The following DNMBP variants were observed in gnomAD, a reference collection of about 807,000 sequenced individuals.
DNMBP encodes dynamin-binding protein.
DNMBP carries 87 observed loss-of-function variants against 150.0 expected under a neutral mutation model. The observed-to-expected ratio is 0.58, with a 90% CI of 0.49 to 0.69. The LOEUF is 0.69. DNMBP is among the 30% of genes least tolerant of loss of function. DNMBP has a pLI of 0.00. For missense variants in DNMBP, 1,774 were observed against 1,949.0 expected, an observed-to-expected ratio of 0.91 and a Z score of 1.69; for synonymous variants, 711 against 750.4, an observed-to-expected ratio of 0.95 and a Z score of 0.86.
chr10:99,890,979 T>C (rs911375975), intron 11 of DNMBP, among the ~76,000 whole-genome samples: 36 of 152,184 alleles, frequency 2.4e-4, no homozygotes, highest in African/African-American at 7.9e-4. Context: ...AGGGTGGAAG[T>C]TGGCTATTTA....
chr10:99,917,447 A>T (rs1269562869), intron 4 of DNMBP, among the ~76,000 whole-genome samples: 1 of 152,202 alleles, frequency 6.6e-6, no homozygotes, highest in Non-Finnish European at 1.5e-5. Flanking sequence ...GGTGACAGAA[A>T]CCGAGTTTTT....
At chr10:99,982,282 A>G (rs186090924) in intron 1 of DNMBP, among the ~76,000 whole-genome samples, 2 of 151,842 alleles carry the variant, frequency 1.3e-5, no homozygotes, top group Admixed American at 1.3e-4. Flanking sequence ...CTGTCTCTAT[A>G]AAAACACAAA....
chr10:99,951,526 G>A (rs2040422426), intron 4 of DNMBP, among the ~76,000 whole-genome samples: 1 of 152,354 alleles, frequency 6.6e-6, no homozygotes, highest in African/African-American at 2.4e-5. Flanking sequence ...AGCCACAGGG[G>A]CAGAGCCGCC....
At chr10:99,929,821 C>T in intron 4 of DNMBP, 1 of 702,892 alleles carries the variant, frequency 1.4e-6, no homozygotes, top group Non-Finnish European at 2.6e-6. Flanking sequence ...TGCAGACCAT[C>T]CAGAAGGATC....
intron 4 of DNMBP, among the ~76,000 whole-genome samples, chr10:99,943,336 C>A (rs1312060470): frequency 1.3e-5 from 2 of 150,476 alleles, no homozygotes; most frequent in Non-Finnish European, 3.0e-5. Flanking sequence ...CTATTTAATT[C>A]TATTATCTGT....
rs952944806 is a variant in DNMBP at position 99,898,780 on chromosome 10, A to C, written c.2703-20T>G. The C allele has an allele frequency of 1.9e-6, 3 of 1,611,252 alleles. No homozygotes were observed. Among genetic ancestry groups the C allele is most frequent in the Admixed American group, 1.7e-5 (1 of 59,910 alleles). ...AGGCTCCTGCAAGGCAGTGGGCATGAAAAGAAAAGAGACAGTTTATTAGAG... is the reference window on the plus strand; with the variant it reads ...AGGCTCCTGCAAGGCAGTGGGCATGCAAAGAAAAGAGACAGTTTATTAGAG... On this transcript the variant is annotated intron_variant, in intron 7 of 16. Transcript: ENST00000324109.
intron 15 of DNMBP, among the ~76,000 whole-genome samples, chr10:99,882,934 G>T (rs569913460): frequency 6.6e-6 from 1 of 152,076 alleles, no homozygotes; most frequent in Admixed American, 6.5e-5. Context: ...AGGTGTGGTG[G>T]TGCGTGCTAC....
chr10:99,908,383 T>C (rs2039852963), intron 5 of DNMBP, among the ~76,000 whole-genome samples: 1 of 152,118 alleles, frequency 6.6e-6, no homozygotes, highest in Admixed American at 6.6e-5. Context: ...GCAACCAACA[T>C]CCCGTAGCAC....
At chr10:99,946,110 C>T (rs1589432809) in intron 4 of DNMBP, among the ~76,000 whole-genome samples, 1 of 152,182 alleles carries the variant, frequency 6.6e-6, no homozygotes, top group Admixed American at 6.5e-5. Flanking sequence ...GTGCACACCA[C>T]TATGCCCTGC....
At position 99,897,922 on chromosome 10, in the gene DNMBP, A is replaced by C; in HGVS notation, c.2920+164T>G. On this transcript the variant is annotated intron_variant, in intron 9 of 16. Transcript: ENST00000324109. ...AGCAAGACTCTGTCTCAAAAAAAAT[A>C]ATAATAAAATATCATATTTCCCCCA... The C allele has an allele frequency of 2.0e-5, 13 of 642,032 alleles. No homozygotes were observed. The South Asian group carries it at 2.6e-4, about 13-fold the overall frequency. The allele number at this position is 642,032 out of a possible 1,614,324, so 39.8% of individuals were successfully genotyped here. A position where few individuals can be genotyped will look rare whatever the true frequency, so the allele number is the denominator to read the frequency against.
chr10:99,895,294 T>C (rs1056605336), intron 10 of DNMBP, among the ~76,000 whole-genome samples: 3 of 151,910 alleles, frequency 2.0e-5, no homozygotes, highest in African/African-American at 7.3e-5. Context: ...GCCCAGCTCA[T>C]TTTTGTATTA....
In DNMBP at chr10:99,986,594, C is replaced by CAAAAAAAAAAAAAAAAA. The variant is rs747726572; in HGVS notation, c.-10-14477_-10-14461dup. On this transcript the variant is annotated intron_variant, in intron 1 of 16. Coordinates refer to ENST00000324109, the MANE Select transcript of DNMBP (RefSeq NM_015221.4). Reference sequence around the variant, plus strand: ...TGGGAGACAGAGCAAGACTCCGTCTCAAAAAAAAAAAAAAAAAAAAAAAAA... The same window carrying CAAAAAAAAAAAAAAAAA: ...TGGGAGACAGAGCAAGACTCCGTCTCAAAAAAAAAAAAAAAAAAAAAAAAAAAAAAAAAAAAAAAAAA... Among the ~76,000 whole-genome samples, 32 of 74,168 alleles carry CAAAAAAAAAAAAAAAAA rather than the reference C, an allele frequency of 4.3e-4. 4 individuals carry two copies. Among genetic ancestry groups the CAAAAAAAAAAAAAAAAA allele is most frequent in the African/African-American group, 4.8e-4 (10 of 20,744 alleles). 48.7% of individuals were successfully genotyped at this position (74,168 alleles called of 152,430 possible). A position where few individuals can be genotyped will look rare whatever the true frequency, so the allele number is the denominator to read the frequency against.
At chr10:99,952,614 C>A (rs2040437502) in intron 4 of DNMBP, among the ~76,000 whole-genome samples, 1 of 152,184 alleles carries the variant, frequency 6.6e-6, no homozygotes, top group African/African-American at 2.4e-5. Context: ...CTCTAGGACC[C>A]CTCCTACCGC....
At chr10:99,968,567 G>A (rs1003682860) in intron 3 of DNMBP, among the ~76,000 whole-genome samples, 8 of 151,838 alleles carry the variant, frequency 5.3e-5, no homozygotes, top group African/African-American at 1.2e-4. Context: ...ACGTGCCTGC[G>A]GTCCCAGCTA....
intron 1 of DNMBP, among the ~76,000 whole-genome samples, chr10:99,973,487 C>T (rs921310105): frequency 6.6e-6 from 1 of 151,974 alleles, no homozygotes; most frequent in African/African-American, 2.4e-5. Context: ...CATTTTATTC[C>T]CTATAGATCT....
chr10:99,904,207 A>G (rs1233995667), intron 6 of DNMBP, among the ~76,000 whole-genome samples: 5 of 152,116 alleles, frequency 3.3e-5, no homozygotes, highest in Non-Finnish European at 5.9e-5. Context: ...GTGAGCTGTG[A>G]TCACACTGCT....
intron 1 of DNMBP, among the ~76,000 whole-genome samples, chr10:99,978,548 TAACTA>T (rs1408693037): frequency 6.6e-6 from 1 of 152,216 alleles, no homozygotes; most frequent in Non-Finnish European, 1.5e-5. Context: ...ATATATATCT[TAACTA>T]GAGTCCAATA....
intron 4 of DNMBP, among the ~76,000 whole-genome samples, chr10:99,924,251 CA>C (rs2040054060): frequency 2.0e-5 from 3 of 150,240 alleles, no homozygotes; most frequent in African/African-American, 2.5e-5. Flanking sequence ...TCCTGGCTAA[CA>C]CGGTGAAACC....
At chr10:100,005,968 T>C (rs992804415) in intron 1 of DNMBP, among the ~76,000 whole-genome samples, 1 of 152,142 alleles carries the variant, frequency 6.6e-6, no homozygotes, top group Non-Finnish European at 1.5e-5. Flanking sequence ...AACCAATCTT[T>C]TAGATTCCTT....
Sources: allele counts gnomAD v4.1 joint callset (sites outside exome capture counted in the v4.1 genomes callset), GRCh38; gene constraint gnomAD v4.1.1; transcripts MANE v1.5; gene names NCBI Gene and HGNC (gene_info 2026-07-23, HGNC 2026-07-21).